The following MYT1L variants were observed in gnomAD, a reference collection of about 807,000 sequenced individuals.
MYT1L encodes the protein myelin transcription factor 1 like.
Under a neutral mutation model 126.7 loss-of-function variants are expected in MYT1L, and 12 were observed. The ratio of observed to expected loss-of-function variants is 0.09; its 90% CI spans 0.06 to 0.15. The LOEUF (loss-of-function observed/expected upper bound fraction) is 0.15, where lower values mean the gene tolerates loss of function less well. Ranked by LOEUF, MYT1L falls within the 10% of genes least tolerant of loss-of-function variation. MYT1L has a pLI of 1.00. For missense variants in MYT1L, 979 were observed against 1,585.2 expected (o/e 0.62, Z 6.49); for synonymous variants, 541 against 604.2 (o/e 0.90, Z 1.53).
At chr2:2,150,607 A>G (rs934766322) in intron 3 of MYT1L, among the ~76,000 whole-genome samples, 2 of 152,196 alleles carry the variant, frequency 1.3e-5, no homozygotes, top group African/African-American at 4.8e-5. Flanking sequence ...TACAGCACAG[A>G]TCATGATAAT....
intron 3 of MYT1L, among the ~76,000 whole-genome samples, chr2:2,120,142 C>A (rs1249724501): frequency 2.0e-5 from 3 of 152,154 alleles, no homozygotes; most frequent in Non-Finnish European, 2.9e-5. Context: ...TGCCTCACTA[C>A]AATATGATAG....
At chr2:1,810,130 T>A (rs1314958132) in intron 21 of MYT1L, 1 of 13,910 alleles carries the variant, frequency 7.2e-5, no homozygotes, top group Non-Finnish European at 1.3e-4. Context: ...TATATAACGC[T>A]TTTTTTTTTT....
rs925296171 is a variant in MYT1L, at chr2:2,033,690, G to A, written c.-158+20288C>T. On this transcript the variant is annotated intron_variant, in intron 4 of 24. Coordinates refer to ENST00000647738, the MANE Select transcript of MYT1L (RefSeq NM_001303052.2). The stretch of plus-strand genomic sequence containing the variant: ...TTACATTCTAATAGAGGTGGGTGGA[G>A]TAGGGGAATCTATTAAATCAACTCT... Among the ~76,000 whole-genome samples, 15 of 152,332 alleles carry A rather than the reference G, an allele frequency of 9.8e-5. No homozygotes were observed. The South Asian group carries it at 2.1e-3, about 21-fold the overall frequency.
intron 4 of MYT1L, among the ~76,000 whole-genome samples, chr2:2,006,126 T>G (rs947501713): frequency 8.5e-5 from 13 of 152,232 alleles, no homozygotes; most frequent in African/African-American, 3.1e-4. Flanking sequence ...ATGCGTTGTT[T>G]CCTGCACGTG....
chr2:2,181,541 G>C (rs767257937), intron 2 of MYT1L, among the ~76,000 whole-genome samples: 4 of 152,170 alleles, frequency 2.6e-5, no homozygotes, highest in Non-Finnish European at 5.9e-5. Context: ...AATGTGCTAT[G>C]AGTTTAACTT....
chr2:2,123,251 G>A (rs1458212280), intron 3 of MYT1L, among the ~76,000 whole-genome samples: 2 of 152,166 alleles, frequency 1.3e-5, no homozygotes, highest in African/African-American at 4.8e-5. Flanking sequence ...GCCTGTGGGA[G>A]GCGGAATAAT....
intron 5 of MYT1L, among the ~76,000 whole-genome samples, chr2:1,982,631 A>G (rs1361834020): frequency 3.3e-5 from 5 of 152,206 alleles, no homozygotes; most frequent in African/African-American, 1.2e-4. Flanking sequence ...GGACGTGTAA[A>G]GACCCAAAGG....
intron 4 of MYT1L, among the ~76,000 whole-genome samples, chr2:2,011,541 T>C (rs1030920617): frequency 6.6e-6 from 1 of 151,908 alleles, no homozygotes; most frequent in East Asian, 1.9e-4. Flanking sequence ...ATCAAAATTT[T>C]AAAAAACAGA....
intron 18 of MYT1L, among the ~76,000 whole-genome samples, chr2:1,878,994 G>A (rs945398571): frequency 2.6e-5 from 4 of 152,106 alleles, no homozygotes; most frequent in Admixed American, 2.6e-4. Context: ...AACAATACAA[G>A]AGAAGAGAAG....
intron 21 of MYT1L, among the ~76,000 whole-genome samples, chr2:1,823,746 G>T (rs1356209435): frequency 1.3e-5 from 2 of 152,222 alleles, no homozygotes; most frequent in Non-Finnish European, 2.9e-5. Flanking sequence ...GCAGCGATGA[G>T]GCTGGGTCCC....
At chr2:1,898,859 G>C (rs1237034584) in intron 14 of MYT1L, among the ~76,000 whole-genome samples, 1 of 152,230 alleles carries the variant, frequency 6.6e-6, no homozygotes, top group East Asian at 1.9e-4. Context: ...TGGAGACAGA[G>C]GGCCAGGGAG....
At chr2:2,133,119 A>G (rs1252199620) in intron 3 of MYT1L, among the ~76,000 whole-genome samples, 2 of 152,120 alleles carry the variant, frequency 1.3e-5, no homozygotes. Context: ...GCGCTTTTTG[A>G]ATGTTTAGGG....
chr2:1,904,870 T>C (rs2050833250), intron 13 of MYT1L, among the ~76,000 whole-genome samples: 1 of 151,606 alleles, frequency 6.6e-6, no homozygotes, highest in South Asian at 2.1e-4. Flanking sequence ...CTCGGCTCAC[T>C]GCAAGCTCTG....
intron 2 of MYT1L, among the ~76,000 whole-genome samples, chr2:2,257,814 T>A (rs1249136098): frequency 6.6e-6 from 1 of 150,492 alleles, no homozygotes; most frequent in East Asian, 2.0e-4. Context: ...ATGGCCATAC[T>A]GCCCAAGGTA....
chr2:1,805,764 T>C (rs2035602958), intron 22 of MYT1L, among the ~76,000 whole-genome samples: 3 of 152,168 alleles, frequency 2.0e-5, no homozygotes. Flanking sequence ...TGCACATCTG[T>C]AGTCCCAGCT....
At position 1,929,250 on chromosome 2, in the gene MYT1L, C is replaced by T. The variant is rs1199546530; in HGVS notation, c.506-5987G>A. ...GCTGACCTCGGCGCCCCTCAGCTGC[C>T]GGCAGCACAGGACATGGCCTGGCTC... is the stretch of plus-strand genomic sequence containing the variant. On this transcript the variant is annotated intron_variant, in intron 9 of 24. Transcript: ENST00000647738. The surrounding 1 kb of genome is among the most constrained non-coding windows in gnomAD (Gnocchi z 4.7). Among the ~76,000 whole-genome samples the T allele has an allele frequency of 2.0e-5, 3 of 152,116 alleles. No homozygotes were observed. Among genetic ancestry groups the T allele is most frequent in the South Asian group, 4.2e-4 (2 of 4,818 alleles).
intron 18 of MYT1L, among the ~76,000 whole-genome samples, chr2:1,867,116 CAG>C (rs1356320694): frequency 2.0e-5 from 3 of 151,432 alleles, no homozygotes; most frequent in Admixed American, 2.0e-4. Flanking sequence ...GGGAGAGAGA[CAG>C]AGTCTTGCTC....
At chr2:2,131,905 C>CTTTTTT (rs58810405) in intron 3 of MYT1L, among the ~76,000 whole-genome samples, 5 of 111,082 alleles carry the variant, frequency 4.5e-5, no homozygotes, top group African/African-American at 7.3e-5. Flanking sequence ...AGAGTTCATC[C>CTTTTTT]TTTTTTTTTT....
Position 1,829,680 on chromosome 2 carries a change from T to C in MYT1L, c.3080+9469A>G, listed in dbSNP as rs74169686. ...ACTGACCCTCCCATACACCTGTGAA[T>C]TGACCCTCCCATACACCTGTGAATT... On this transcript the variant is annotated intron_variant, in intron 21 of 24. Transcript: ENST00000647738. Among the ~76,000 whole-genome samples the C allele has an allele frequency of 8.8e-3, 834 of 94,676 alleles. 11 individuals carry two copies. Among genetic ancestry groups the C allele is most frequent in the Non-Finnish European group, 0.01 (504 of 48,938 alleles). 62.1% of individuals were successfully genotyped at this position (94,676 alleles called of 152,430 possible). A position where few individuals can be genotyped will look rare whatever the true frequency, so the allele number is the denominator to read the frequency against.
Sources: gnomAD v4.1 joint callset for allele counts (sites outside exome capture counted in the v4.1 genomes callset) on GRCh38, gnomAD v4.1.1 for gene constraint, Gnocchi (gnomAD v3.1) non-coding constraint, MANE v1.5 for transcripts, NCBI Gene and HGNC (gene_info 2026-07-23, HGNC 2026-07-21) for gene names.